UCK2: variants seen among roughly 807,000 people sequenced by gnomAD.
UCK2 encodes the protein uridine-cytidine kinase 2.
Under a neutral mutation model 30.8 loss-of-function variants are expected in UCK2, and 6 were observed. The ratio of observed to expected loss-of-function variants is 0.19; its 90% CI spans 0.11 to 0.38. UCK2 has a LOEUF of 0.38. Ranked by LOEUF, UCK2 falls within the 10% of genes least tolerant of loss-of-function variation. The pLI is 1.00. For synonymous variants in UCK2, 125 were observed against 133.6 expected, an observed-to-expected ratio of 0.94 and a Z score of 0.45; for missense variants, 210 against 339.8, an observed-to-expected ratio of 0.62 and a Z score of 3.00.
chr1:165,834,253 A>T (rs913749227), intron 1 of UCK2, among the ~76,000 whole-genome samples: 1 of 152,190 alleles, frequency 6.6e-6, no homozygotes, highest in African/African-American at 2.4e-5. Context: ...GAAAGTCATC[A>T]TTTTGTAGTA....
At chr1:165,906,547 T>C (rs943866783) in intron 6 of UCK2, among the ~76,000 whole-genome samples, 15 of 152,180 alleles carry the variant, frequency 9.9e-5, no homozygotes, top group African/African-American at 3.4e-4. Context: ...TAAAAAAGTG[T>C]TTTTGTAGAG....
Position 165,909,551 on chromosome 1 carries a change from AGTC to A in UCK2, c.*1729_*1731del, listed in dbSNP as rs1158661300. On this transcript the variant is annotated 3_prime_UTR_variant, in exon 7 of 7. Transcript: ENST00000367879. Reference sequence around the variant, plus strand: ...CTAAATCTGTTTTGCTATTTTAAAAAGTCAAACCTGGTCCCCAGCAGAGCTTGC... The same window carrying A: ...CTAAATCTGTTTTGCTATTTTAAAAAAAACCTGGTCCCCAGCAGAGCTTGC... 6.6e-6 allele frequency: 1 copy of A among 152,214 alleles called. No individual in the cohort carries two copies. The highest frequency in any genetic ancestry group is 2.4e-5 in the African/African-American group (1 of 41,450). The allele number at this position is 152,214 out of a possible 1,614,324, so 9.4% of individuals were successfully genotyped here. A position where few individuals can be genotyped will look rare whatever the true frequency, so the allele number is the denominator to read the frequency against.
Position 165,907,880 on chromosome 1 carries a change from G to A in UCK2, c.*57G>A. 1.9e-6 allele frequency: 3 copies of A among 1,598,822 alleles called. No homozygotes were observed. The highest frequency in any genetic ancestry group is 2.6e-6 in the Non-Finnish European group (3 of 1,170,960). On this transcript the variant is annotated 3_prime_UTR_variant, in exon 7 of 7. Transcript: ENST00000367879. ...CAAGAGACAGAGGAGGGGTCAGGAGGCACTGCTCATCTGTACATACTGTTT... is the reference window on the plus strand; with the variant it reads ...CAAGAGACAGAGGAGGGGTCAGGAGACACTGCTCATCTGTACATACTGTTT...
chr1:165,882,400 T>C (rs1290993532), intron 1 of UCK2, among the ~76,000 whole-genome samples: 2 of 152,228 alleles, frequency 1.3e-5, no homozygotes, highest in Non-Finnish European at 2.9e-5. Context: ...TTAGTATCAC[T>C]TCTGTTGAAA....
chr1:165,843,971 C>A (rs1376822881), intron 1 of UCK2, among the ~76,000 whole-genome samples: 1 of 152,134 alleles, frequency 6.6e-6, no homozygotes, highest in Non-Finnish European at 1.5e-5. Context: ...GCTAATACTT[C>A]CCGAGCACTA....
rs534094218 is a variant in UCK2 at position 165,885,103 on chromosome 1, T to C, written c.100-5101T>C. The C allele has an allele frequency of 3.2e-5, 11 of 338,808 alleles. No homozygotes were observed. The South Asian group carries it at 1.4e-3, about 43-fold the overall frequency. The allele number at this position is 338,808 out of a possible 1,614,324, so 21.0% of individuals were successfully genotyped here. A position where few individuals can be genotyped will look rare whatever the true frequency, so the allele number is the denominator to read the frequency against. On this transcript the variant is annotated intron_variant, in intron 1 of 6. Transcript: ENST00000367879. ...AAAACAGTATTATATTTCTCATCAG[T>C]TCCCTCCCTGTCTCCCTTCCCCTGT...
intron 1 of UCK2, among the ~76,000 whole-genome samples, chr1:165,851,461 T>G (rs1006460038): frequency 3.3e-5 from 5 of 151,732 alleles, no homozygotes; most frequent in Non-Finnish European, 5.9e-5. Flanking sequence ...TCTGGCTAAT[T>G]TAACATTCTG....
chr1:165,906,008 T>G, intron 6 of UCK2, 39 bp downstream of exon 6: 6 of 1,594,808 alleles, frequency 3.8e-6, no homozygotes, highest in Non-Finnish European at 5.2e-6. Context: ...GTATAATGTC[T>G]GCCCTTTGTC....
At chr1:165,874,948 T>C (rs1167825436) in intron 1 of UCK2, among the ~76,000 whole-genome samples, 3 of 151,256 alleles carry the variant, frequency 2.0e-5, no homozygotes, top group African/African-American at 7.3e-5. Flanking sequence ...TGTGGTTTAA[T>C]AGTATGATAA....
At chr1:165,865,879 C>T (rs1005963943) in intron 1 of UCK2, among the ~76,000 whole-genome samples, 1 of 152,210 alleles carries the variant, frequency 6.6e-6, no homozygotes, top group African/African-American at 2.4e-5. Context: ...CAGGCCAGTT[C>T]TTTTGATTCT....
At position 165,908,895 on chromosome 1, in the gene UCK2, G is replaced by C. The variant is rs930751237; in HGVS notation, c.*1072G>C. 6.6e-6 allele frequency: 1 copy of C among 152,366 alleles called. No homozygotes were observed. The highest frequency in any genetic ancestry group is 2.4e-5 in the African/African-American group (1 of 41,384). The allele number at this position is 152,366 out of a possible 1,614,324, so 9.4% of individuals were successfully genotyped here. On this transcript the variant is annotated 3_prime_UTR_variant, in exon 7 of 7. Coordinates refer to ENST00000367879, the MANE Select transcript of UCK2 (RefSeq NM_012474.5). ...GTGGCAGGGGAGCTCTGTCTGTGGA[G>C]GGGTAGTAGTTTCCGCTTCCTGGAG...
At chr1:165,857,537 TGAGCTG>T (rs1473387511) in intron 1 of UCK2, among the ~76,000 whole-genome samples, 1 of 152,112 alleles carries the variant, frequency 6.6e-6, no homozygotes, top group Non-Finnish European at 1.5e-5. Flanking sequence ...AGGTAATGAC[TGAGCTG>T]GAGCTGGAGG....
At chr1:165,886,773 T>G (rs1160468118) in intron 1 of UCK2, among the ~76,000 whole-genome samples, 1 of 152,182 alleles carries the variant, frequency 6.6e-6, no homozygotes, top group South Asian at 2.1e-4. Flanking sequence ...GTGGGACTCC[T>G]CCTTCCCTCC....
chr1:165,875,038 CAAAA>C (rs57582300), intron 1 of UCK2, among the ~76,000 whole-genome samples: 2 of 111,342 alleles, frequency 1.8e-5, no homozygotes, highest in Non-Finnish European at 1.9e-5. Flanking sequence ...ACTGAGTTAC[CAAAA>C]AAAAAAAAAA....
chr1:165,831,677 A>T (rs2348837), intron 1 of UCK2, among the ~76,000 whole-genome samples: 14 of 151,984 alleles, frequency 9.2e-5, no homozygotes, highest in African/African-American at 3.4e-4. Context: ...ACCTTGGGTA[A>T]CTCCCCACTG....
At chr1:165,907,401 T>C (rs1031831754) in intron 6 of UCK2, among the ~76,000 whole-genome samples, 11 of 152,156 alleles carry the variant, frequency 7.2e-5, no homozygotes, top group African/African-American at 2.7e-4. Context: ...CTTCATCCAG[T>C]GGTGACTGAT....
At chr1:165,880,947 G>A (rs556457654) in intron 1 of UCK2, among the ~76,000 whole-genome samples, 1 of 152,006 alleles carries the variant, frequency 6.6e-6, no homozygotes, top group African/African-American at 2.4e-5. Context: ...CGAGGCGTGT[G>A]GATCACTTTG....
rs766974841 is a variant in UCK2, at chr1:165,907,775, C to A, written c.738C>A (p.Thr246=). ...RQTNGCLNGY[T]PSRKRQASES... is the part of the protein sequence containing the mutation. ...CCAATGGCTGTCTCAACGGCTACACCCCTTCACGCAAGAGGCAGGCATCGG... is the reference window on the plus strand; with the variant it reads ...CCAATGGCTGTCTCAACGGCTACACACCTTCACGCAAGAGGCAGGCATCGG... Residue 246 remains threonine, a synonymous_variant, in exon 7 of 7, where the codon ACC becomes ACA. Transcript: ENST00000367879. 2 of 1,614,050 alleles carry A rather than the reference C, an allele frequency of 1.2e-6. No individual in the cohort carries two copies. Among genetic ancestry groups the A allele is most frequent in the East Asian group, 4.5e-5 (2 of 44,880 alleles).
chr1:165,861,622 C>T (rs1190186271), intron 1 of UCK2, among the ~76,000 whole-genome samples: 4 of 59,198 alleles, frequency 6.8e-5, no homozygotes, highest in African/African-American at 1.4e-4. Context: ...AGCGAGACTC[C>T]GTCTCAAAAA....
Sources: gnomAD v4.1 joint callset for allele counts (sites outside exome capture counted in the v4.1 genomes callset) on GRCh38, gnomAD v4.1.1 for gene constraint, MANE v1.5 for transcripts, NCBI Gene and HGNC (gene_info 2026-07-23, HGNC 2026-07-21) for gene names.